Variants in ANO4 observed in about 807,000 individuals in gnomAD.
ANO4 encodes the protein anoctamin 4, also known as anoctamin-4.
ANO4 carries 69 observed loss-of-function variants against 141.9 expected under a neutral mutation model. That is an observed-to-expected ratio of 0.49 (90% confidence interval 0.40 to 0.59). The LOEUF is 0.59. ANO4 is among the 20% of genes least tolerant of loss of function. The pLI, the probability that ANO4 is intolerant of heterozygous loss-of-function variation, is 0.00. For missense variants in ANO4, 894 were observed against 1,162.2 expected, an observed-to-expected ratio of 0.77 and a Z score of 3.36; for synonymous variants, 350 against 394.3, an observed-to-expected ratio of 0.89 and a Z score of 1.33.
chr12:100,733,960 G>A, intron 2 of ANO4: 1 of 599,112 alleles, frequency 1.7e-6, no homozygotes, highest in Non-Finnish European at 3.0e-6. Context: ...AAATATAAAT[G>A]CATAGGCATT....
intron 1 of ANO4, among the ~76,000 whole-genome samples, chr12:100,878,554 T>C (rs1294681365): frequency 6.6e-6 from 1 of 152,158 alleles, no homozygotes; most frequent in East Asian, 1.9e-4. Flanking sequence ...CTCAGCAACT[T>C]TGAGTGAAGG....
chr12:100,783,169 C>T (rs2033761578), intron 3 of ANO4, among the ~76,000 whole-genome samples: 1 of 152,070 alleles, frequency 6.6e-6, no homozygotes, highest in Admixed American at 6.6e-5. Context: ...ATGACAAAGG[C>T]GATCTGATTG....
At chr12:100,898,772 A>C (rs2040457069) in intron 1 of ANO4, among the ~76,000 whole-genome samples, 1 of 152,202 alleles carries the variant, frequency 6.6e-6, no homozygotes, top group African/African-American at 2.4e-5. Flanking sequence ...AAGCCTCTGC[A>C]AAAAGGAAAA....
At chr12:100,922,755 C>T (rs1347451434) in intron 3 of ANO4, among the ~76,000 whole-genome samples, 1 of 152,108 alleles carries the variant, frequency 6.6e-6, no homozygotes, top group African/African-American at 2.4e-5. Context: ...AACTTCTTCT[C>T]CAAAATGAGT....
chr12:100,795,453 A>G (rs2138047), intron 1 of ANO4, among the ~76,000 whole-genome samples: 115,247 of 151,626 alleles, frequency 0.76, 44,484 homozygotes, highest in East Asian at 0.94. Flanking sequence ...ATCTTTGTGG[A>G]TAAAGATGAG....
chr12:101,028,658 C>G (rs185712192), intron 9 of ANO4, among the ~76,000 whole-genome samples: 98 of 152,248 alleles, frequency 6.4e-4, no homozygotes, highest in Admixed American at 2.9e-3. Flanking sequence ...AACAAAACCT[C>G]CAAGAAATAT....
At chr12:101,080,900 T>TTATATATATATATATATATATACAC (rs2049238630) in intron 15 of ANO4, among the ~76,000 whole-genome samples, 6 of 131,034 alleles carry the variant, frequency 4.6e-5, no homozygotes, top group Admixed American at 2.5e-4. Context: ...TATATATATA[T>TTATATATATATATATATATATACAC]ACATACACAT....
chr12:100,747,293 C>T (rs2032154160), intron 3 of ANO4, among the ~76,000 whole-genome samples: 1 of 152,094 alleles, frequency 6.6e-6, no homozygotes, highest in Non-Finnish European at 1.5e-5. Flanking sequence ...CAACCATACT[C>T]TAATCAAAAA....
chr12:101,040,604 GT>G (rs202128180), intron 11 of ANO4, among the ~76,000 whole-genome samples: 12,589 of 152,130 alleles, frequency 0.083, 655 homozygotes, highest in South Asian at 0.15. Flanking sequence ...GGAAATGTAT[GT>G]TTTTTTATTA....
Position 100,971,189 on chromosome 12 carries a change from G to A in ANO4, c.457-117G>A, listed in dbSNP as rs2043918868. The A allele has an allele frequency of 6.5e-6, 4 of 611,546 alleles. No individual in the cohort carries two copies. In the South Asian group the frequency reaches 1.0e-4, roughly 16 times the overall value. The allele number at this position is 611,546 out of a possible 1,614,324, so 37.9% of individuals were successfully genotyped here. On this transcript the variant is annotated intron_variant, in intron 5 of 27. Transcript: ENST00000392977. Reference sequence around the variant, plus strand: ...ACTTGTAAGGGTCTGGCCTATTGGTGAGGAATGCCCCAAATCATAAACTCT... The same window carrying A: ...ACTTGTAAGGGTCTGGCCTATTGGTAAGGAATGCCCCAAATCATAAACTCT...
intron 1 of ANO4, among the ~76,000 whole-genome samples, chr12:100,800,941 G>C (rs893567767): frequency 1.3e-5 from 2 of 152,186 alleles, no homozygotes; most frequent in African/African-American, 4.8e-5. Flanking sequence ...TCTCTCTTCA[G>C]ACTAAACTTT....
chr12:101,122,490 T>C (rs889704255), intron 26 of ANO4, among the ~76,000 whole-genome samples: 3 of 152,210 alleles, frequency 2.0e-5, no homozygotes, highest in Non-Finnish European at 4.4e-5. Flanking sequence ...ATTTCCTAGG[T>C]TTTCTTCTAG....
chr12:100,980,863 AAGG>A (rs2044428197), intron 7 of ANO4, among the ~76,000 whole-genome samples: 1 of 152,180 alleles, frequency 6.6e-6, no homozygotes, highest in Non-Finnish European at 1.5e-5. Context: ...ATCCAATAAA[AAGG>A]AGGAATTTAT....
upstream of ANO4, among the ~76,000 whole-genome samples, chr12:100,790,946 A>G (rs969371575): frequency 2.6e-5 from 4 of 152,250 alleles, no homozygotes; most frequent in African/African-American, 9.6e-5. Flanking sequence ...CTCCTGCTGA[A>G]TGCTGAAGGA....
At chr12:100,824,500 A>T (rs2036222695) in intron 1 of ANO4, among the ~76,000 whole-genome samples, 2 of 152,052 alleles carry the variant, frequency 1.3e-5, no homozygotes, top group South Asian at 4.1e-4. Flanking sequence ...GATTTTCTAA[A>T]TATCAGTTTT....
intron 1 of ANO4, chr12:100,842,078 A>G (rs1221813297): frequency 7.7e-5 from 1 of 12,998 alleles, no homozygotes; most frequent in African/African-American, 2.4e-4. Context: ...CCCCCCCCCC[A>G]CTGAAAGCCA....
intron 2 of ANO4, among the ~76,000 whole-genome samples, chr12:100,919,736 G>GTACC (rs1555250920): frequency 1.5e-5 from 2 of 133,056 alleles, no homozygotes; most frequent in Admixed American, 1.6e-4. Context: ...GTGTATGTAT[G>GTACC]TATCTATCTA....
intron 1 of ANO4, among the ~76,000 whole-genome samples, chr12:100,857,220 C>T (rs748106847): frequency 1.4e-4 from 22 of 152,098 alleles, no homozygotes; most frequent in Admixed American, 7.2e-4. Flanking sequence ...TGCTAAGAAG[C>T]TTGAACATAT....
intron 3 of ANO4, among the ~76,000 whole-genome samples, chr12:100,743,955 C>T (rs1422219213): frequency 6.6e-6 from 1 of 152,110 alleles, no homozygotes; most frequent in East Asian, 1.9e-4. Flanking sequence ...AGATTTGTAA[C>T]TTCCATCACC....
Sources: gnomAD v4.1 joint callset for allele counts (sites outside exome capture counted in the v4.1 genomes callset) on GRCh38, gnomAD v4.1.1 for gene constraint, MANE v1.5 for transcripts, NCBI Gene and HGNC (gene_info 2026-07-23, HGNC 2026-07-21) for gene names.